PTPRE: variants seen among roughly 807,000 people sequenced by gnomAD.
The protein encoded by PTPRE is protein tyrosine phosphatase receptor type E.
PTPRE carries 51 observed loss-of-function variants against 102.0 expected under a neutral mutation model. The ratio of observed to expected loss-of-function variants is 0.50; its 90% confidence interval spans 0.40 to 0.63. PTPRE has a LOEUF of 0.63. Among genes scored for constraint, PTPRE ranks in the 30% least tolerant of loss-of-function variants. The probability of loss-of-function intolerance (pLI) is 0.00; values close to 1 mark genes in which losing one functional copy is unlikely to be tolerated. For synonymous variants in PTPRE, 345 were observed against 348.2 expected (o/e 0.99, Z 0.10); for missense variants, 752 against 915.1 (o/e 0.82, Z 2.30).
chr10:127,951,691 G>GAAAAGGGT (rs1007069691), intron 1 of PTPRE, among the ~76,000 whole-genome samples: 5 of 152,222 alleles, frequency 3.3e-5, no homozygotes, highest in Non-Finnish European at 5.9e-5. Flanking sequence ...AATTATGATG[G>GAAAAGGGT]AAAAGGGTAA....
chr10:127,946,404 T>G lies in PTPRE; in HGVS notation c.-30-35870T>G, dbSNP rs186257130. 5.4e-5 allele frequency among the ~76,000 whole-genome samples: 8 copies of G among 148,188 alleles called. 1 individual carries two copies. The highest frequency in any genetic ancestry group is 1.7e-4 in the African/African-American group (7 of 40,862). ...GTAAGGATATATATACAAGGATGTTTATTGCGGCAAAAAATAAAACACTAA... is the reference window on the plus strand; with the variant it reads ...GTAAGGATATATATACAAGGATGTTGATTGCGGCAAAAAATAAAACACTAA... On this transcript the variant is annotated intron_variant, in intron 1 of 20. Transcript: ENST00000254667.
intron 2 of PTPRE, among the ~76,000 whole-genome samples, chr10:128,011,734 G>A (rs1271841009): frequency 6.6e-6 from 1 of 152,200 alleles, no homozygotes; most frequent in Non-Finnish European, 1.5e-5. Context: ...AGCATCCTAG[G>A]GGCTCCCCCC....
intron 17 of PTPRE, among the ~76,000 whole-genome samples, chr10:128,074,028 C>T (rs75417958): frequency 0.063 from 9,652 of 152,260 alleles, 407 homozygotes; most frequent in Middle Eastern, 0.095. Flanking sequence ...ACTATCTAAT[C>T]TGTGATCATT....
chr10:127,949,326 C>G (rs1004096657), intron 1 of PTPRE, among the ~76,000 whole-genome samples: 1 of 152,138 alleles, frequency 6.6e-6, no homozygotes, highest in African/African-American at 2.4e-5. Context: ...CTGGAGAACC[C>G]TGGCTAATAC....
At chr10:128,067,812 C>T (rs569037042) in intron 11 of PTPRE, among the ~76,000 whole-genome samples, 77 of 152,304 alleles carry the variant, frequency 5.1e-4, no homozygotes, top group African/African-American at 1.5e-3. Flanking sequence ...GGGCCATGGC[C>T]GCCCTGCTTG....
At position 128,028,052 on chromosome 10, in the gene PTPRE, G is replaced by A. The variant is rs1846413407; in HGVS notation, c.-7-12823G>A. On this transcript the variant is annotated intron_variant, in intron 2 of 20. Transcript: ENST00000254667. This position sits in a 1 kb window ranked among gnomAD's most constrained non-coding sequence, Gnocchi z 4.5. ...GCTTCAGGGGAGGGTTCCGGCTTTG[G>A]CTGGGGGCGTGGGAGTCTCCAGAGG... Among the ~76,000 whole-genome samples the A allele has an allele frequency of 6.6e-6, 1 of 152,224 alleles. No individual in the cohort carries two copies. The highest frequency in any genetic ancestry group is 2.1e-4 in the South Asian group (1 of 4,830).
At chr10:127,918,400 C>T (rs942404570) in intron 1 of PTPRE, among the ~76,000 whole-genome samples, 4 of 151,826 alleles carry the variant, frequency 2.6e-5, no homozygotes, top group African/African-American at 9.7e-5. Context: ...CTACTAAAAA[C>T]ACACAAAAAA....
chr10:127,908,373 C>G (rs1312013984), intron 1 of PTPRE, among the ~76,000 whole-genome samples: 2 of 135,718 alleles, frequency 1.5e-5, no homozygotes, highest in African/African-American at 5.5e-5. Context: ...CTTTGTGTCC[C>G]AAAGATGGAT....
At chr10:127,921,663 G>C (rs116494969) in intron 1 of PTPRE, among the ~76,000 whole-genome samples, 98 of 152,328 alleles carry the variant, frequency 6.4e-4, no homozygotes, top group African/African-American at 2.3e-3. Context: ...GTGCCTCAGA[G>C]TCACAGGGGA....
At chr10:127,921,229 A>T (rs1564797890) in intron 1 of PTPRE, among the ~76,000 whole-genome samples, 1 of 152,240 alleles carries the variant, frequency 6.6e-6, no homozygotes, top group Non-Finnish European at 1.5e-5. Context: ...TGGACATGTT[A>T]ACTCGGTCAG....
intron 20 of PTPRE, 94 bp from the exon 21 acceptor site, chr10:128,082,738 C>T (rs140707233): frequency 1.4e-6 from 2 of 1,384,160 alleles, no homozygotes; most frequent in East Asian, 2.6e-5. Context: ...TGAATAGTCA[C>T]ACTTATTTAT....
intron 2 of PTPRE, among the ~76,000 whole-genome samples, chr10:127,993,087 G>A (rs183189699): frequency 3.4e-4 from 51 of 152,172 alleles, no homozygotes; most frequent in African/African-American, 1.2e-3. Flanking sequence ...AATGAGCAGA[G>A]GGTTGAGGAA....
At chr10:128,029,760 G>A (rs1220197810) in intron 2 of PTPRE, among the ~76,000 whole-genome samples, 1 of 152,246 alleles carries the variant, frequency 6.6e-6, no homozygotes, top group Non-Finnish European at 1.5e-5. Flanking sequence ...GAGACGGACT[G>A]TAAGCCCAGG....
chr10:128,022,781 C>T (rs1033856681), intron 2 of PTPRE, among the ~76,000 whole-genome samples: 9 of 152,294 alleles, frequency 5.9e-5, no homozygotes, highest in East Asian at 3.9e-4. Context: ...CTGGGAGGGG[C>T]GCTGGAGGCA....
At chr10:127,987,015 G>A (rs1187007851) in intron 2 of PTPRE, among the ~76,000 whole-genome samples, 3 of 152,200 alleles carry the variant, frequency 2.0e-5, no homozygotes, top group African/African-American at 7.2e-5. Flanking sequence ...TTCTCCTGGT[G>A]ACTGAATTAG....
chr10:127,951,363 C>G (rs751815505), intron 1 of PTPRE, among the ~76,000 whole-genome samples: 14 of 152,314 alleles, frequency 9.2e-5, no homozygotes, highest in South Asian at 6.2e-4. Context: ...CTAAAGGGAT[C>G]TATGGCCTTT....
At chr10:128,051,902 C>G (rs896297151) in intron 6 of PTPRE, among the ~76,000 whole-genome samples, 1 of 152,140 alleles carries the variant, frequency 6.6e-6, no homozygotes, top group Non-Finnish European at 1.5e-5. Flanking sequence ...CTCGCTGTGT[C>G]TCCCAGGCTG....
At position 128,070,484 on chromosome 10, in the gene PTPRE, G is replaced by A. The variant is rs968458535; in HGVS notation, c.1293+34G>A. ...AGCTGACCCTCCTCTCCATCCTGGT[G>A]TAAGCAGCCAAGGGCACGAGGAAAA... On this transcript the variant is annotated intron_variant, in intron 14 of 20. Transcript: ENST00000254667. The surrounding 1 kb of genome is among the most constrained non-coding windows in gnomAD (Gnocchi z 4.8). 4.4e-6 allele frequency: 7 copies of A among 1,602,478 alleles called. No homozygotes were observed. Among genetic ancestry groups the A allele is most frequent in the African/African-American group, 4.0e-5 (3 of 74,650 alleles).
chr10:127,987,441 G>T (rs1852189887), intron 2 of PTPRE: 1 of 918,038 alleles, frequency 1.1e-6, no homozygotes, highest in African/African-American at 1.8e-5. Context: ...TTGGTTTTGT[G>T]TCATGGTTGC....
Sources: gnomAD v4.1 joint callset for allele counts (sites outside exome capture counted in the v4.1 genomes callset) on GRCh38, gnomAD v4.1.1 for gene constraint, Gnocchi (gnomAD v3.1) non-coding constraint, MANE v1.5 for transcripts, NCBI Gene and HGNC (gene_info 2026-07-23, HGNC 2026-07-21) for gene names.